Variants in NXPE2 observed in about 807,000 individuals in gnomAD.
NXPE2 encodes the protein NXPE family member 2.
In NXPE2, 34 loss-of-function variants were observed where a neutral mutation model predicts 34.4. That is an observed-to-expected ratio of 0.99 (90% confidence interval 0.75 to 1.31). The LOEUF (loss-of-function observed/expected upper bound fraction) is 1.31, where lower values mean the gene tolerates loss of function less well. Ranked by LOEUF, NXPE2 falls within the 40% of genes most tolerant of loss-of-function variation. The pLI is 0.00. For missense variants in NXPE2, 649 were observed against 672.5 expected (o/e 0.97, Z 0.39); for synonymous variants, 235 against 231.3 (o/e 1.02, Z -0.15).
chr11:114,492,124 C>T, the NXPE2 span, among the ~76,000 whole-genome samples: 1 of 151,972 alleles, frequency 6.6e-6, no homozygotes, highest in Non-Finnish European at 1.5e-5. Context: ...CAAACCTGCA[C>T]ATTGTGCACA....
chr11:114,639,288 C>T, the NXPE2 span, among the ~76,000 whole-genome samples: 1 of 152,116 alleles, frequency 6.6e-6, no homozygotes, highest in Non-Finnish European at 1.5e-5. Context: ...AGGATATAAT[C>T]TCCTGGTGCA....
At chr11:114,617,178 T>C in the NXPE2 span, among the ~76,000 whole-genome samples, 1 of 151,620 alleles carries the variant, frequency 6.6e-6, no homozygotes, top group South Asian at 2.1e-4. Context: ...ACCCAGTGGA[T>C]AATAAGTGTT....
the NXPE2 span, among the ~76,000 whole-genome samples, chr11:114,632,890 T>C: frequency 1.3e-5 from 1 of 74,388 alleles, no homozygotes; most frequent in Non-Finnish European, 2.3e-5. Context: ...ATATATTATA[T>C]AATTTTATGT....
chr11:114,707,097 T>C (rs369821828), downstream of NXPE2, among the ~76,000 whole-genome samples: 2 of 152,334 alleles, frequency 1.3e-5, no homozygotes, highest in East Asian at 1.9e-4. Flanking sequence ...TTTATTATTT[T>C]ATTTTATTTT....
the NXPE2 span, among the ~76,000 whole-genome samples, chr11:114,609,374 G>A: frequency 1.8e-3 from 278 of 151,684 alleles, 3 homozygotes; most frequent in South Asian, 0.011. Flanking sequence ...ACCGTTACCC[G>A]GTGGATAATA....
At chr11:114,701,599 C>T (rs537065799) in intron 3 of NXPE2, among the ~76,000 whole-genome samples, 2 of 152,238 alleles carry the variant, frequency 1.3e-5, no homozygotes, top group South Asian at 4.1e-4. Context: ...AGTGCATGTG[C>T]AAGGAACAGC....
chr11:114,490,398 A>T, the NXPE2 span, among the ~76,000 whole-genome samples: 1,505 of 152,354 alleles, frequency 9.9e-3, 30 homozygotes, highest in African/African-American at 0.034. Context: ...TGTCAAGTCA[A>T]TCCTAAGCCA....
chr11:114,623,839 GATA>G, the NXPE2 span, among the ~76,000 whole-genome samples: 1 of 152,096 alleles, frequency 6.6e-6, no homozygotes, highest in African/African-American at 2.4e-5. Context: ...TTACCTGGTG[GATA>G]ATAAGTGTTG....
the NXPE2 span, among the ~76,000 whole-genome samples, chr11:114,791,838 C>T: frequency 6.3e-3 from 956 of 152,176 alleles, 10 homozygotes; most frequent in African/African-American, 0.021. Flanking sequence ...GGGCGGATCA[C>T]GAGGTCAGGA....
At chr11:114,533,167 A>AT in the NXPE2 span, among the ~76,000 whole-genome samples, 5 of 152,134 alleles carry the variant, frequency 3.3e-5, no homozygotes, top group Admixed American at 6.5e-5. Context: ...TCTTTTCTTT[A>AT]TTTTTTATAG....
At chr11:114,534,142 T>A in the NXPE2 span, among the ~76,000 whole-genome samples, 1 of 152,238 alleles carries the variant, frequency 6.6e-6, no homozygotes, top group Non-Finnish European at 1.5e-5. Flanking sequence ...TCCGCTGTTC[T>A]GCAGCCACCA....
chr11:114,569,256 T>G, the NXPE2 span, among the ~76,000 whole-genome samples: 1 of 152,194 alleles, frequency 6.6e-6, no homozygotes, highest in Non-Finnish European at 1.5e-5. Context: ...CATTGCTCTA[T>G]TCAACTGAAA....
At chr11:114,785,895 G>A in the NXPE2 span, among the ~76,000 whole-genome samples, 3 of 152,090 alleles carry the variant, frequency 2.0e-5, no homozygotes, top group East Asian at 3.8e-4. Context: ...TCTTGGCCTC[G>A]ACTCTTCAAG....
the NXPE2 span, among the ~76,000 whole-genome samples, chr11:114,498,688 T>G: frequency 6.6e-6 from 1 of 152,152 alleles, no homozygotes; most frequent in Admixed American, 6.5e-5. Context: ...ATTTTAATAT[T>G]GCTTTCATTT....
At chr11:114,783,135 T>C in the NXPE2 span, among the ~76,000 whole-genome samples, 1 of 152,218 alleles carries the variant, frequency 6.6e-6, no homozygotes, top group Non-Finnish European at 1.5e-5. Flanking sequence ...CTGCAGTCGA[T>C]CTGAAGCCAC....
At chr11:114,697,987 T>C in intron 2 of NXPE2, 58 bp from the exon 3 acceptor site, 1 of 1,387,100 alleles carries the variant, frequency 7.2e-7, no homozygotes. Flanking sequence ...TAATTTATAT[T>C]GAAAAGCAAG....
chr11:114,601,045 A>C, the NXPE2 span, among the ~76,000 whole-genome samples: 4 of 151,924 alleles, frequency 2.6e-5, no homozygotes, highest in Non-Finnish European at 5.9e-5. Flanking sequence ...CATCTGTACA[A>C]GTTTTAATCT....
chr11:114,592,761 A>G, the NXPE2 span, among the ~76,000 whole-genome samples: 16 of 152,310 alleles, frequency 1.1e-4, no homozygotes, highest in African/African-American at 3.8e-4. Flanking sequence ...AAGGCAGTAT[A>G]TTACCTGACT....
At chr11:114,632,794 T>TTA in the NXPE2 span, among the ~76,000 whole-genome samples, 2 of 330 alleles carry the variant, frequency 6.1e-3, no homozygotes, top group Admixed American at 0.05. Flanking sequence ...TATTATATAA[T>TTA]TATATATAAT....
Sources: gnomAD v4.1 joint callset for allele counts (sites outside exome capture counted in the v4.1 genomes callset) on GRCh38, gnomAD v4.1.1 for gene constraint, MANE v1.5 for transcripts, NCBI Gene and HGNC (gene_info 2026-07-23, HGNC 2026-07-21) for gene names.